The following STXBP5 variants were observed in gnomAD, a reference collection of about 807,000 sequenced individuals.
STXBP5 encodes the protein syntaxin binding protein 5.
Under a neutral mutation model 152.4 loss-of-function variants are expected in STXBP5, and 50 were observed. The observed-to-expected ratio is 0.33, with a 90% confidence interval of 0.26 to 0.42. The LOEUF is 0.42. Ranked by LOEUF, STXBP5 falls within the 10% of genes least tolerant of loss-of-function variation. The probability of loss-of-function intolerance (pLI) is 1.00; values close to 1 mark genes in which losing one functional copy is unlikely to be tolerated. For synonymous variants in STXBP5, 492 were observed against 494.7 expected, an observed-to-expected ratio of 0.99 and a Z score of 0.07; for missense variants, 1,167 against 1,388.6, an observed-to-expected ratio of 0.84 and a Z score of 2.54.
At chr6:147,373,130 G>T (rs1785637708) in intron 25 of STXBP5, among the ~76,000 whole-genome samples, 1 of 152,042 alleles carries the variant, frequency 6.6e-6, no homozygotes, top group African/African-American at 2.4e-5. Flanking sequence ...ACTTTGGGAG[G>T]CTGAGGTGGG....
At chr6:147,371,720 T>C (rs1463338757) in intron 25 of STXBP5, among the ~76,000 whole-genome samples, 6 of 152,186 alleles carry the variant, frequency 3.9e-5, no homozygotes, top group Admixed American at 3.9e-4. Flanking sequence ...TATTTCTTAC[T>C]TTACCCTTGT....
At chr6:147,316,159 G>A (rs1040751678) in intron 15 of STXBP5, 70 bp from the exon 16 acceptor site, 21 of 1,418,258 alleles carry the variant, frequency 1.5e-5, no homozygotes, top group Non-Finnish European at 1.7e-5. Flanking sequence ...GTGTGTGTAT[G>A]TGTGTATAAA....
Position 147,336,496 on chromosome 6 carries a change from C to T in STXBP5, c.2146+2274C>T, listed in dbSNP as rs185148990. Among the ~76,000 whole-genome samples, 448 of 151,198 alleles carry T rather than the reference C, an allele frequency of 3.0e-3. 2 individuals carry two copies. The highest frequency in any genetic ancestry group is 0.01 in the African/African-American group (430 of 41,154). On this transcript the variant is annotated intron_variant, in intron 19 of 27. Transcript: ENST00000321680. Reference sequence around the variant, plus strand: ...AACACATGCAAATTCTACTACTTCACGGTGGTCAAAAAAGAATAACAGATG... The same window carrying T: ...AACACATGCAAATTCTACTACTTCATGGTGGTCAAAAAAGAATAACAGATG...
chr6:147,292,930 G>A (rs1781349950), intron 9 of STXBP5: 2 of 152,168 alleles, frequency 1.3e-5, no homozygotes, highest in South Asian at 4.1e-4. Flanking sequence ...GTAGGCATTT[G>A]TAAATACAGT....
intron 2 of STXBP5, among the ~76,000 whole-genome samples, chr6:147,215,098 T>C (rs1163847628): frequency 2.6e-5 from 4 of 152,250 alleles, no homozygotes; most frequent in African/African-American, 9.6e-5. Flanking sequence ...TCTGCTTCTA[T>C]ATTAGCACAA....
Position 147,298,076 on chromosome 6 carries a change from A to T in STXBP5, c.917+6904A>T, listed in dbSNP as rs147352412. Among the ~76,000 whole-genome samples, 48 of 152,258 alleles carry T rather than the reference A, an allele frequency of 3.2e-4. 1 individual carries two copies. The East Asian group carries it at 7.9e-3, about 25-fold the overall frequency. ...TAAGAGATATAGCATGAATGAAAAA[A>T]GAAAAACTTTATGCTACCTACTATA... On this transcript the variant is annotated intron_variant, in intron 9 of 27. Coordinates refer to ENST00000321680, the MANE Select transcript of STXBP5 (RefSeq NM_001127715.4).
Position 147,223,040 on chromosome 6 carries a change from C to A in STXBP5, c.249-12210C>A, listed in dbSNP as rs184227323. ...CAGTGGTTTTTCTTGTGTCTCACTT[C>A]TCTTACAGATCTTTAAGAAGAGTTG... On this transcript the variant is annotated intron_variant, in intron 2 of 27. Transcript: ENST00000321680. 1.3e-4 allele frequency among the ~76,000 whole-genome samples: 20 copies of A among 152,318 alleles called. No homozygotes were observed. The East Asian group carries it at 2.5e-3, about 19-fold the overall frequency.
chr6:147,354,545 G>C (rs2128408874), intron 22 of STXBP5, among the ~76,000 whole-genome samples: 1 of 151,638 alleles, frequency 6.6e-6, no homozygotes, highest in East Asian at 1.9e-4. Context: ...GCAGAATCCA[G>C]AGTTTTCATC....
rs148573542 is a variant in STXBP5, at chr6:147,252,558, A to G, written c.432-8057A>G. Among the ~76,000 whole-genome samples, 1,080 of 152,232 alleles carry G rather than the reference A, an allele frequency of 7.1e-3. 13 individuals carry two copies. Among genetic ancestry groups the G allele is most frequent in the African/African-American group, 0.025 (1,036 of 41,530 alleles). On this transcript the variant is annotated intron_variant, in intron 4 of 27. Coordinates refer to ENST00000321680, the MANE Select transcript of STXBP5 (RefSeq NM_001127715.4). Reference sequence around the variant, plus strand: ...ATGACAAGGAATGAACAAAGCCTCTAAGAAATGTGGGACTATATGAAAAGA... The same window carrying G: ...ATGACAAGGAATGAACAAAGCCTCTGAGAAATGTGGGACTATATGAAAAGA...
At chr6:147,352,080 A>T (rs1048674203) in intron 21 of STXBP5, among the ~76,000 whole-genome samples, 1 of 152,204 alleles carries the variant, frequency 6.6e-6, no homozygotes, top group African/African-American at 2.4e-5. Context: ...TTAAGACAAT[A>T]ACTGATTTTG....
chr6:147,368,270 A>G lies in STXBP5; in HGVS notation c.3081+4104A>G, dbSNP rs189178200. Among the ~76,000 whole-genome samples the G allele has an allele frequency of 9.0e-3, 1,268 of 141,120 alleles. 21 individuals carry two copies. The highest frequency in any genetic ancestry group is 0.031 in the African/African-American group (1,218 of 38,916). The allele number at this position is 141,120 out of a possible 152,430, so 92.6% of individuals were successfully genotyped here. On this transcript the variant is annotated intron_variant, in intron 25 of 27. Transcript: ENST00000321680. ...AAGCAAAATTTGTTAAAAAAAAAAA[A>G]TTTTTGCAAATTGAATTCAGCAATA...
rs566296083 is a variant in STXBP5, at chr6:147,216,345, C to T, written c.248+10277C>T. Among the ~76,000 whole-genome samples, 3 of 152,186 alleles carry T rather than the reference C, an allele frequency of 2.0e-5. No individual in the cohort carries two copies. In the South Asian group the frequency reaches 6.2e-4, roughly 32 times the overall value. ...AGGCGGAGGTTGCCGTGAGCTGAGA[C>T]TGCGCCACTGCACTCCAGCCTGAGC... On this transcript the variant is annotated intron_variant, in intron 2 of 27. Transcript: ENST00000321680.
At chr6:147,259,213 T>C (rs1050158025) in intron 4 of STXBP5, among the ~76,000 whole-genome samples, 4 of 152,182 alleles carry the variant, frequency 2.6e-5, no homozygotes, top group Non-Finnish European at 4.4e-5. Flanking sequence ...TATTAAATAC[T>C]AAATATTTTG....
intron 25 of STXBP5, among the ~76,000 whole-genome samples, chr6:147,373,339 C>G (rs1045178716): frequency 7.1e-6 from 1 of 141,242 alleles, no homozygotes; most frequent in East Asian, 2.1e-4. Context: ...GCACTCCAAC[C>G]TGGGTGACAG....
intron 2 of STXBP5, among the ~76,000 whole-genome samples, chr6:147,206,871 G>A (rs1562407221): frequency 6.6e-6 from 1 of 151,704 alleles, no homozygotes. Flanking sequence ...GTTGAAATGT[G>A]TTTTCTTTTA....
chr6:147,383,721 CAATTTT>C (rs1239151063), intron 27 of STXBP5, among the ~76,000 whole-genome samples: 1 of 151,996 alleles, frequency 6.6e-6, no homozygotes, highest in Non-Finnish European at 1.5e-5. Context: ...TCTGAAGAAA[CAATTTT>C]AAGGTTGTTT....
At chr6:147,305,871 C>T (rs1487710788) in intron 9 of STXBP5, among the ~76,000 whole-genome samples, 1 of 151,984 alleles carries the variant, frequency 6.6e-6, no homozygotes, top group Non-Finnish European at 1.5e-5. Flanking sequence ...TAAGTGTTCC[C>T]TCTAAAATGG....
chr6:147,309,710 A>T (rs559753718), intron 9 of STXBP5, among the ~76,000 whole-genome samples: 30 of 152,290 alleles, frequency 2.0e-4, no homozygotes, highest in African/African-American at 4.1e-4. Flanking sequence ...GCCTCAAGGC[A>T]TTAAGATTCT....
intron 2 of STXBP5, among the ~76,000 whole-genome samples, chr6:147,226,452 G>A (rs771661408): frequency 5.9e-5 from 9 of 152,186 alleles, no homozygotes; most frequent in Non-Finnish European, 1.0e-4. Context: ...ACCTGAGACT[G>A]TTTGAAGGCC....
Sources: gnomAD v4.1 joint callset for allele counts (sites outside exome capture counted in the v4.1 genomes callset) on GRCh38, gnomAD v4.1.1 for gene constraint, MANE v1.5 for transcripts, NCBI Gene and HGNC (gene_info 2026-07-23, HGNC 2026-07-21) for gene names.